Variants in KCNMB2 observed in about 807,000 individuals in gnomAD.
The protein encoded by KCNMB2 is potassium calcium-activated channel subfamily M regulatory beta subunit 2.
KCNMB2 carries 9 observed loss-of-function variants against 24.5 expected under a neutral mutation model. The ratio of observed to expected loss-of-function variants is 0.37; its 90% confidence interval spans 0.22 to 0.64. The LOEUF is 0.64. KCNMB2 is among the 30% of genes least tolerant of loss of function. The pLI is 0.63. For synonymous variants in KCNMB2, 109 were observed against 104.4 expected (o/e 1.04, Z -0.27); for missense variants, 226 against 284.3 (o/e 0.79, Z 1.47).
At chr3:178,756,769 T>TGAAA (rs1724059413) in intron 1 of KCNMB2, among the ~76,000 whole-genome samples, 1 of 152,112 alleles carries the variant, frequency 6.6e-6, no homozygotes, top group Non-Finnish European at 1.5e-5. Context: ...CCTCTTTCTT[T>TGAAA]CTCTGGATGT....
intron 1 of KCNMB2, among the ~76,000 whole-genome samples, chr3:178,806,144 G>T (rs1713958286): frequency 6.6e-6 from 1 of 152,108 alleles, no homozygotes; most frequent in South Asian, 2.1e-4. Flanking sequence ...CATCTCTAAA[G>T]AATATATTTT....
At chr3:178,773,024 T>C (rs1041358001) in intron 1 of KCNMB2, among the ~76,000 whole-genome samples, 11 of 151,752 alleles carry the variant, frequency 7.2e-5, no homozygotes, top group Non-Finnish European at 1.5e-4. Flanking sequence ...AAAAAAGAAG[T>C]TATCTATTAC....
At chr3:178,698,487 T>C (rs1047311234) in intron 1 of KCNMB2, among the ~76,000 whole-genome samples, 8 of 152,266 alleles carry the variant, frequency 5.3e-5, no homozygotes, top group African/African-American at 1.7e-4. Context: ...TTCTTATTTT[T>C]ACTGGTTATT....
chr3:178,663,396 T>C (rs1720606289), intron 1 of KCNMB2, among the ~76,000 whole-genome samples: 1 of 152,106 alleles, frequency 6.6e-6, no homozygotes. Context: ...TATCCCATGC[T>C]CTTAACCATG....
intron 1 of KCNMB2, among the ~76,000 whole-genome samples, chr3:178,676,144 C>T (rs183169416): frequency 2.0e-5 from 3 of 152,248 alleles, no homozygotes; most frequent in Admixed American, 2.0e-4. Context: ...AGAAAGCACC[C>T]AGGCCTGGAA....
intron 4 of KCNMB2, among the ~76,000 whole-genome samples, chr3:178,830,346 T>C (rs13097309): frequency 0.18 from 27,468 of 152,100 alleles, 2,991 homozygotes; most frequent in Middle Eastern, 0.27. Flanking sequence ...TGTTTATTTA[T>C]TCATTCTACT....
intron 1 of KCNMB2, among the ~76,000 whole-genome samples, chr3:178,700,570 G>A (rs138724515): frequency 2.6e-5 from 4 of 152,304 alleles, no homozygotes; most frequent in South Asian, 4.1e-4. Flanking sequence ...GAAAAGATAT[G>A]CTCTGGATCC....
intron 1 of KCNMB2, among the ~76,000 whole-genome samples, chr3:178,593,479 A>G (rs1577034765): frequency 1.3e-5 from 2 of 152,178 alleles, no homozygotes; most frequent in African/African-American, 2.4e-5. Flanking sequence ...TTTTCATTGG[A>G]TAAGTTAAAT....
intron 1 of KCNMB2, among the ~76,000 whole-genome samples, chr3:178,629,393 T>A (rs1719232340): frequency 6.6e-6 from 1 of 152,130 alleles, no homozygotes; most frequent in Admixed American, 6.5e-5. Flanking sequence ...GGCAGAGTGG[T>A]GAAGTGAAGG....
rs112715707 is a variant in KCNMB2, at chr3:178,693,084, A to T, written c.-67-114259A>T. Among the ~76,000 whole-genome samples the T allele has an allele frequency of 1.7e-3, 253 of 152,234 alleles. 1 individual carries two copies. Among genetic ancestry groups the T allele is most frequent in the African/African-American group, 5.8e-3 (242 of 41,556 alleles). On this transcript the variant is annotated intron_variant, in intron 1 of 4. Transcript: ENST00000452583. ...CTGGTGTATAGAAATGCTCATGATT[A>T]TTGCACATTGATTTTGTATCCTGAG... is the stretch of plus-strand genomic sequence containing the variant.
chr3:178,803,902 T>G lies in KCNMB2; in HGVS notation c.-67-3441T>G, dbSNP rs374291055. Among the ~76,000 whole-genome samples, 8 of 152,248 alleles carry G rather than the reference T, an allele frequency of 5.3e-5. No individual in the cohort carries two copies. The East Asian group carries it at 1.5e-3, about 29-fold the overall frequency. The stretch of plus-strand genomic sequence containing the variant: ...TTATAAATTTCTGAGACGGGGAAAT[T>G]ATCACATTCTCACTGACTCCCTCCT... On this transcript the variant is annotated intron_variant, in intron 1 of 4. Coordinates refer to ENST00000452583, the MANE Select transcript of KCNMB2 (RefSeq NM_181361.3).
intron 1 of KCNMB2, among the ~76,000 whole-genome samples, chr3:178,543,792 A>G (rs1366788873): frequency 6.6e-6 from 1 of 152,156 alleles, no homozygotes; most frequent in Non-Finnish European, 1.5e-5. Context: ...CGACACTAGT[A>G]TATCTCTCCA....
intron 1 of KCNMB2, among the ~76,000 whole-genome samples, chr3:178,700,293 A>G: frequency 6.6e-6 from 1 of 152,240 alleles, no homozygotes; most frequent in East Asian, 1.9e-4. Flanking sequence ...ATCTCCTATC[A>G]ACTAAATAAT....
rs1321078181 is a variant in KCNMB2 at position 178,798,245 on chromosome 3, C to A, written c.-67-9098C>A. ...AAGGGGAAGGCTTCCAGCTTTTGCC[C>A]ATTTAGTATGATGTTGGCTGTGGGT... On this transcript the variant is annotated intron_variant, in intron 1 of 4. Coordinates refer to ENST00000452583, the MANE Select transcript of KCNMB2 (RefSeq NM_181361.3). 3.9e-5 allele frequency among the ~76,000 whole-genome samples: 6 copies of A among 152,106 alleles called. No homozygotes were observed. The East Asian group carries it at 1.2e-3, about 29-fold the overall frequency.
At chr3:178,663,710 C>T (rs1240884234) in intron 1 of KCNMB2, among the ~76,000 whole-genome samples, 2 of 152,150 alleles carry the variant, frequency 1.3e-5, no homozygotes, top group African/African-American at 4.8e-5. Context: ...TAAAAGACAA[C>T]AGTATTACCT....
chr3:178,770,820 A>G (rs1437919915), intron 1 of KCNMB2, among the ~76,000 whole-genome samples: 2 of 152,152 alleles, frequency 1.3e-5, no homozygotes, highest in Admixed American at 6.5e-5. Context: ...AGCTTCACCT[A>G]AGAGAAGCCG....
intron 1 of KCNMB2, among the ~76,000 whole-genome samples, chr3:178,584,563 T>C (rs960255302): frequency 2.6e-5 from 4 of 152,226 alleles, no homozygotes; most frequent in African/African-American, 9.6e-5. Context: ...GCTTTGTTCA[T>C]TATTGTTGTT....
intron 1 of KCNMB2, among the ~76,000 whole-genome samples, chr3:178,612,510 T>C (rs1327244714): frequency 6.6e-6 from 1 of 152,204 alleles, no homozygotes; most frequent in Non-Finnish European, 1.5e-5. Context: ...TTGTCTCTTA[T>C]AATTTTTGTT....
intron 1 of KCNMB2, among the ~76,000 whole-genome samples, chr3:178,568,123 A>G (rs557315204): frequency 7.2e-5 from 11 of 152,312 alleles, no homozygotes; most frequent in African/African-American, 2.6e-4. Context: ...TATCTAGAAA[A>G]TTAACATATG....
Sources: gnomAD v4.1 joint callset for allele counts (sites outside exome capture counted in the v4.1 genomes callset) on GRCh38, gnomAD v4.1.1 for gene constraint, MANE v1.5 for transcripts, NCBI Gene and HGNC (gene_info 2026-07-23, HGNC 2026-07-21) for gene names.